KHDRBS2: variants seen among roughly 807,000 people sequenced by gnomAD.
KHDRBS2 encodes the protein KH domain-containing, RNA-binding, signal transduction-associated protein 2.
Under a neutral mutation model 44.3 loss-of-function variants are expected in KHDRBS2, and 26 were observed. That is an observed-to-expected ratio of 0.59 (90% CI 0.43 to 0.81). The LOEUF is 0.81. KHDRBS2 is among the 40% of genes least tolerant of loss of function. The pLI, the probability that KHDRBS2 is intolerant of heterozygous loss-of-function variation, is 0.00. For missense variants in KHDRBS2, 476 were observed against 433.1 expected (o/e 1.10, Z -0.88); for synonymous variants, 194 against 151.1 (o/e 1.28, Z -2.08).
At chr6:62,088,522 C>A (rs1429794795) in intron 2 of KHDRBS2, among the ~76,000 whole-genome samples, 1 of 152,196 alleles carries the variant, frequency 6.6e-6, no homozygotes, top group Non-Finnish European at 1.5e-5. Flanking sequence ...CTGGGTATCA[C>A]CAGTGGAGGC....
intron 2 of KHDRBS2, among the ~76,000 whole-genome samples, chr6:62,143,314 T>C (rs1813245233): frequency 6.6e-6 from 1 of 152,016 alleles, no homozygotes; most frequent in South Asian, 2.1e-4. Flanking sequence ...ACATATTTTG[T>C]ATTGTACTGA....
At chr6:62,233,929 T>C (rs1226937154) in intron 1 of KHDRBS2, among the ~76,000 whole-genome samples, 2 of 152,158 alleles carry the variant, frequency 1.3e-5, no homozygotes, top group Non-Finnish European at 2.9e-5. Context: ...CTATTGTGAA[T>C]AGTGCTACAA....
At chr6:62,074,217 C>T (rs1382332516) in intron 2 of KHDRBS2, among the ~76,000 whole-genome samples, 1 of 151,816 alleles carries the variant, frequency 6.6e-6, no homozygotes, top group African/African-American at 2.4e-5. Flanking sequence ...AGCTAGGATC[C>T]AGTTAAGCCA....
intron 1 of KHDRBS2, among the ~76,000 whole-genome samples, chr6:62,227,320 G>A (rs1832055961): frequency 6.6e-6 from 1 of 152,122 alleles, no homozygotes; most frequent in South Asian, 2.1e-4. Flanking sequence ...TTGGCTCTCT[G>A]CTTATCTTCT....
chr6:61,728,563 T>C (rs540143043), intron 7 of KHDRBS2, among the ~76,000 whole-genome samples: 1 of 152,320 alleles, frequency 6.6e-6, no homozygotes, highest in African/African-American at 2.4e-5. Context: ...GATTAAATTG[T>C]GATCAAATCA....
At chr6:61,995,129 T>C (rs1187572597) in intron 3 of KHDRBS2, among the ~76,000 whole-genome samples, 2 of 152,140 alleles carry the variant, frequency 1.3e-5, no homozygotes, top group African/African-American at 4.8e-5. Flanking sequence ...TACAAAGCAC[T>C]ATATTATGTA....
At chr6:61,802,325 T>C (rs1405495851) in intron 6 of KHDRBS2, among the ~76,000 whole-genome samples, 1 of 152,154 alleles carries the variant, frequency 6.6e-6, no homozygotes, top group African/African-American at 2.4e-5. Flanking sequence ...CTACTGACTG[T>C]GGTAATTTGG....
At position 61,889,322 on chromosome 6, in the gene KHDRBS2, T is replaced by A. The variant is rs138467081; in HGVS notation, c.810+5313A>T. Reference sequence around the variant, plus strand: ...AGTTAGAATTCAGACCTTGAGGTGCTGCTGTCTGTTTTGAAGTGCCACATC... The same window carrying A: ...AGTTAGAATTCAGACCTTGAGGTGCAGCTGTCTGTTTTGAAGTGCCACATC... On this transcript the variant is annotated intron_variant, in intron 6 of 8. Transcript: ENST00000281156. 8.3e-4 allele frequency among the ~76,000 whole-genome samples: 127 copies of A among 152,326 alleles called. No homozygotes were observed. The East Asian group carries it at 0.023, about 28-fold the overall frequency.
intron 1 of KHDRBS2, among the ~76,000 whole-genome samples, chr6:62,202,461 A>G (rs1336067607): frequency 2.0e-5 from 3 of 152,160 alleles, no homozygotes; most frequent in Admixed American, 1.3e-4. Flanking sequence ...ATCATAAGAC[A>G]AAAGTATTAT....
At chr6:62,173,285 C>A (rs910313988) in intron 2 of KHDRBS2, among the ~76,000 whole-genome samples, 1 of 151,640 alleles carries the variant, frequency 6.6e-6, no homozygotes, top group East Asian at 1.9e-4. Flanking sequence ...ATACAAAAAC[C>A]TTCAGAGACT....
intron 2 of KHDRBS2, among the ~76,000 whole-genome samples, chr6:62,143,725 TAGAAC>T (rs1813345277): frequency 6.6e-6 from 1 of 151,986 alleles, no homozygotes; most frequent in African/African-American, 2.4e-5. Context: ...ATGTTAGACT[TAGAAC>T]AGATTGTAGT....
intron 6 of KHDRBS2, among the ~76,000 whole-genome samples, chr6:61,884,546 C>G (rs1286966159): frequency 6.6e-6 from 1 of 152,030 alleles, no homozygotes; most frequent in Non-Finnish European, 1.5e-5. Context: ...TTTTAAAAAG[C>G]TACACCAACA....
At chr6:62,196,553 G>T (rs1231280689) in intron 1 of KHDRBS2, among the ~76,000 whole-genome samples, 1 of 150,814 alleles carries the variant, frequency 6.6e-6, no homozygotes. Flanking sequence ...CTTTAGGTCT[G>T]AGGTATGTAC....
At chr6:62,016,626 C>T in intron 3 of KHDRBS2, among the ~76,000 whole-genome samples, 1 of 148,436 alleles carries the variant, frequency 6.7e-6, no homozygotes, top group South Asian at 2.1e-4. Context: ...AATATATATA[C>T]TTGGATATTA....
chr6:61,774,857 A>T (rs1015080033), intron 6 of KHDRBS2, among the ~76,000 whole-genome samples: 2 of 152,148 alleles, frequency 1.3e-5, no homozygotes, highest in Non-Finnish European at 2.9e-5. Context: ...ATTTTAGACC[A>T]ATATCCCTGA....
intron 1 of KHDRBS2, among the ~76,000 whole-genome samples, chr6:62,248,381 CAG>C (rs1190494856): frequency 6.6e-6 from 1 of 151,126 alleles, no homozygotes; most frequent in African/African-American, 2.4e-5. Flanking sequence ...TTTTTTTTAA[CAG>C]AGTCTTGCTC....
At chr6:62,153,989 G>GTGT (rs1815813060) in intron 2 of KHDRBS2, among the ~76,000 whole-genome samples, 2 of 152,100 alleles carry the variant, frequency 1.3e-5, no homozygotes, top group South Asian at 4.1e-4. Context: ...AGAGTCCTGG[G>GTGT]TGTTTGGTTT....
At chr6:61,597,771 T>TAG in the KHDRBS2 span, among the ~76,000 whole-genome samples, 2 of 28,594 alleles carry the variant, frequency 7.0e-5, no homozygotes, top group Non-Finnish European at 1.5e-4. Context: ...TATATATATA[T>TAG]ATACACCAAG....
chr6:62,256,760 T>A (rs1315287056), intron 1 of KHDRBS2, among the ~76,000 whole-genome samples: 2 of 152,076 alleles, frequency 1.3e-5, no homozygotes, highest in Non-Finnish European at 2.9e-5. Context: ...TTGCAGTAGT[T>A]ATTTCTGTAA....
Sources: allele counts gnomAD v4.1 joint callset (sites outside exome capture counted in the v4.1 genomes callset), GRCh38; gene constraint gnomAD v4.1.1; transcripts MANE v1.5; gene names NCBI Gene and HGNC (gene_info 2026-07-23, HGNC 2026-07-21).